Variants in THSD7B observed in about 807,000 individuals in gnomAD.
The protein encoded by THSD7B is thrombospondin type-1 domain-containing protein 7B.
A neutral mutation model predicts 213.6 loss-of-function variants in THSD7B; 138 were observed. That is an observed-to-expected ratio of 0.65 (90% CI 0.56 to 0.74). The LOEUF (loss-of-function observed/expected upper bound fraction) is 0.74, where lower values mean the gene tolerates loss of function less well. Ranked by LOEUF, THSD7B falls within the 30% of genes least tolerant of loss-of-function variation. The probability of loss-of-function intolerance (pLI) is 0.00; values close to 1 mark genes in which losing one functional copy is unlikely to be tolerated. For missense variants in THSD7B, 1,931 were observed against 1,991.5 expected (o/e 0.97, Z 0.58); for synonymous variants, 742 against 687.0 (o/e 1.08, Z -1.25).
At chr2:136,965,059 C>G (rs1249013301) in intron 2 of THSD7B, among the ~76,000 whole-genome samples, 1 of 149,830 alleles carries the variant, frequency 6.7e-6, no homozygotes, top group Admixed American at 6.7e-5. Flanking sequence ...TCTGTATTGT[C>G]TCATTATCCA....
At chr2:137,124,845 T>C (rs1180756396) in intron 5 of THSD7B, among the ~76,000 whole-genome samples, 5 of 152,208 alleles carry the variant, frequency 3.3e-5, no homozygotes, top group African/African-American at 1.2e-4. Context: ...CTCACATACT[T>C]ACCATCTTTT....
intron 2 of THSD7B, among the ~76,000 whole-genome samples, chr2:137,053,155 C>A (rs929812737): frequency 3.3e-5 from 5 of 152,076 alleles, no homozygotes; most frequent in South Asian, 4.1e-4. Flanking sequence ...ACCTGTTCTA[C>A]TCATACCCAA....
At chr2:137,187,176 C>A (rs1369009431) in intron 7 of THSD7B, among the ~76,000 whole-genome samples, 2 of 152,086 alleles carry the variant, frequency 1.3e-5, no homozygotes, top group Non-Finnish European at 2.9e-5. Flanking sequence ...CGTTGCCAAC[C>A]CTTTGACATT....
At chr2:137,541,553 ACACT>A (rs1462295237) in intron 15 of THSD7B, among the ~76,000 whole-genome samples, 2 of 151,718 alleles carry the variant, frequency 1.3e-5, no homozygotes, top group African/African-American at 4.8e-5. Context: ...TGTTTTGGAA[ACACT>A]CAATATCTTC....
chr2:137,184,015 C>CA (rs1327357063), intron 7 of THSD7B, among the ~76,000 whole-genome samples: 1 of 152,108 alleles, frequency 6.6e-6, no homozygotes, highest in Non-Finnish European at 1.5e-5. Context: ...TACATTATTT[C>CA]ATTTTACTCC....
In THSD7B at chr2:137,659,699, C is replaced by A. The variant is rs368781810; in HGVS notation, c.4411C>A (p.Arg1471=). The change falls in exon 25 of 28, where the codon CGG becomes AGG. Residue 1471 remains arginine, a synonymous_variant. Transcript: ENST00000409968. ...CCCTCAGGCCCGTCCTGCTGCCATT[C>A]GGCAGTGCATTCCAGCCTGCAGAAA... ...CSPQARPAAI[R]QCIPACRKPF... 1 of 1,604,958 alleles carries A rather than the reference C, an allele frequency of 6.2e-7. No homozygotes were observed. Among genetic ancestry groups the A allele is most frequent in the East Asian group, 2.2e-5 (1 of 44,552 alleles).
At chr2:136,804,273 T>C (rs2558106) in intron 1 of THSD7B, among the ~76,000 whole-genome samples, 1 of 151,900 alleles carries the variant, frequency 6.6e-6, no homozygotes, top group African/African-American at 2.4e-5. Context: ...CTTCCGTATA[T>C]AATTATTTGT....
chr2:137,023,674 G>T (rs1371877095), intron 2 of THSD7B, among the ~76,000 whole-genome samples: 1 of 152,028 alleles, frequency 6.6e-6, no homozygotes, highest in East Asian at 1.9e-4. Context: ...AGTTAAGAAA[G>T]AATAAGATAA....
chr2:137,213,400 T>G (rs1290855824), intron 7 of THSD7B, among the ~76,000 whole-genome samples: 2 of 147,984 alleles, frequency 1.4e-5, no homozygotes, highest in Non-Finnish European at 3.0e-5. Flanking sequence ...TGTACTATAT[T>G]CAATATTAGT....
At chr2:137,442,631 A>G (rs1263406462) in intron 14 of THSD7B, among the ~76,000 whole-genome samples, 5 of 152,096 alleles carry the variant, frequency 3.3e-5, no homozygotes, top group African/African-American at 1.2e-4. Flanking sequence ...TGCAGCTCTT[A>G]AAGCTTCCAC....
intron 20 of THSD7B, among the ~76,000 whole-genome samples, chr2:137,637,425 G>A (rs1328186058): frequency 6.6e-6 from 1 of 152,144 alleles, no homozygotes; most frequent in Non-Finnish European, 1.5e-5. Context: ...TCTTACACTT[G>A]CATGTACTTA....
At chr2:137,315,310 G>GAACT (rs1372268247) in intron 12 of THSD7B, among the ~76,000 whole-genome samples, 1 of 152,148 alleles carries the variant, frequency 6.6e-6, no homozygotes, top group Non-Finnish European at 1.5e-5. Context: ...CTCGGAAAGG[G>GAACT]AACTCCCTGA....
intron 17 of THSD7B, among the ~76,000 whole-genome samples, chr2:137,574,821 A>C (rs1019860213): frequency 3.3e-5 from 5 of 152,140 alleles, no homozygotes; most frequent in African/African-American, 1.2e-4. Flanking sequence ...GATAATGAGA[A>C]TGATTATAGC....
chr2:137,113,097 C>CT (rs1021883951), intron 4 of THSD7B, among the ~76,000 whole-genome samples: 2 of 152,124 alleles, frequency 1.3e-5, no homozygotes, highest in Admixed American at 6.5e-5. Flanking sequence ...ATCTGACCCC[C>CT]TTGTTCAGGC....
At chr2:136,890,401 C>CTTCT (rs1558840046) in intron 2 of THSD7B, among the ~76,000 whole-genome samples, 1 of 446 alleles carries the variant, frequency 2.2e-3, no homozygotes, top group African/African-American at 3.6e-3. Flanking sequence ...CTTCCTCTTC[C>CTTCT]TCTTCCTCTT....
chr2:137,498,585 G>T (rs1362917756), intron 15 of THSD7B, among the ~76,000 whole-genome samples: 1 of 152,020 alleles, frequency 6.6e-6, no homozygotes, highest in Non-Finnish European at 1.5e-5. Flanking sequence ...CTATTGGATG[G>T]GGGTATTTTT....
At chr2:137,553,450 T>C (rs1399098106) in intron 15 of THSD7B, among the ~76,000 whole-genome samples, 3 of 152,102 alleles carry the variant, frequency 2.0e-5, no homozygotes, top group Non-Finnish European at 2.9e-5. Flanking sequence ...CTTAGTTAAA[T>C]TGATCAATTA....
intron 1 of THSD7B, among the ~76,000 whole-genome samples, chr2:136,868,830 T>C (rs1005929979): frequency 2.0e-5 from 3 of 152,102 alleles, no homozygotes; most frequent in African/African-American, 4.8e-5. Flanking sequence ...ATCACATTCT[T>C]TCCTGTACCT....
chr2:137,238,534 C>CTTTTTTTTT lies in THSD7B; in HGVS notation c.2151-3901_2151-3893dup, dbSNP rs869146863. 4.7e-3 allele frequency among the ~76,000 whole-genome samples: 242 copies of CTTTTTTTTT among 51,880 alleles called. 46 individuals carry two copies. The highest frequency in any genetic ancestry group is 1.0e-2 in the East Asian group (15 of 1,504). The allele number at this position is 51,880 out of a possible 152,430, so 34.0% of individuals were successfully genotyped here. On this transcript the variant is annotated intron_variant, in intron 9 of 27. Coordinates refer to ENST00000409968, the MANE Select transcript of THSD7B (RefSeq NM_001316349.2). ...TATCCTGATAATGACACTCATCTTT[C>CTTTTTTTTT]TTTTTTTTTTTTTTTTTTTTTTTTT...
Sources: gnomAD v4.1 joint callset for allele counts (sites outside exome capture counted in the v4.1 genomes callset) on GRCh38, gnomAD v4.1.1 for gene constraint, MANE v1.5 for transcripts, NCBI Gene and HGNC (gene_info 2026-07-23, HGNC 2026-07-21) for gene names.